Variants in CDC42BPA observed in about 807,000 individuals in gnomAD.
CDC42BPA encodes serine/threonine-protein kinase MRCK alpha.
In CDC42BPA, 80 loss-of-function variants were observed where a neutral mutation model predicts 223.5. The ratio of observed to expected loss-of-function variants is 0.36; its 90% confidence interval spans 0.30 to 0.43. The LOEUF (loss-of-function observed/expected upper bound fraction) is 0.43. Among genes scored for constraint, CDC42BPA ranks in the 20% least tolerant of loss-of-function variants. CDC42BPA has a pLI of 1.00. For synonymous variants in CDC42BPA, 694 were observed against 718.6 expected, an observed-to-expected ratio of 0.97 and a Z score of 0.55; for missense variants, 1,743 against 2,099.9, an observed-to-expected ratio of 0.83 and a Z score of 3.32.
intron 5 of CDC42BPA, among the ~76,000 whole-genome samples, chr1:227,190,549 T>C (rs971946035): frequency 3.3e-5 from 4 of 119,890 alleles, no homozygotes; most frequent in Admixed American, 8.9e-5. Flanking sequence ...TCATCTCTTA[T>C]ACTTTGGCCT....
Position 227,027,048 on chromosome 1 carries a change from C to T in CDC42BPA, c.4433-896G>A, listed in dbSNP as rs187195981. On this transcript the variant is annotated intron_variant, in intron 30 of 36. Coordinates refer to ENST00000366766, the MANE Select transcript of CDC42BPA (RefSeq NM_001394014.1). ...CCTCAAGCGATCCTCCTGCCTCAGCCTCCTGAAGTGCTGGGATTACAGGTG... is the reference window on the plus strand; with the variant it reads ...CCTCAAGCGATCCTCCTGCCTCAGCTTCCTGAAGTGCTGGGATTACAGGTG... Among the ~76,000 whole-genome samples, 614 of 152,306 alleles carry T rather than the reference C, an allele frequency of 4.0e-3. 5 individuals are homozygous for T. Among genetic ancestry groups the T allele is most frequent in the African/African-American group, 0.014 (589 of 41,560 alleles).
At chr1:227,047,676 T>TACTGC (rs1672722835) in intron 23 of CDC42BPA, among the ~76,000 whole-genome samples, 1 of 152,312 alleles carries the variant, frequency 6.6e-6, no homozygotes, top group Middle Eastern at 3.4e-3. Flanking sequence ...CTGAGGCATA[T>TACTGC]ACTGCTTAGA....
chr1:227,231,229 T>C (rs1043742038), intron 2 of CDC42BPA, among the ~76,000 whole-genome samples: 2 of 136,498 alleles, frequency 1.5e-5, no homozygotes, highest in South Asian at 2.5e-4. Flanking sequence ...AGTGAGAATA[T>C]GCGGTGTTGT....
intron 2 of CDC42BPA, among the ~76,000 whole-genome samples, chr1:227,233,802 G>A (rs780144131): frequency 8.6e-5 from 13 of 151,878 alleles, no homozygotes; most frequent in Non-Finnish European, 1.3e-4. Flanking sequence ...GCGTGGTGGC[G>A]GACCCCTGTA....
chr1:227,252,531 CT>C (rs1682201995), intron 2 of CDC42BPA, among the ~76,000 whole-genome samples: 1 of 152,134 alleles, frequency 6.6e-6, no homozygotes, highest in Non-Finnish European at 1.5e-5. Context: ...TTTCCCTCTT[CT>C]TGTAAGACCA....
intron 21 of CDC42BPA, among the ~76,000 whole-genome samples, chr1:227,062,327 C>T (rs1676085458): frequency 6.6e-6 from 1 of 152,226 alleles, no homozygotes; most frequent in South Asian, 2.1e-4. Context: ...ACATACTCAT[C>T]TGTGAAGACC....
In CDC42BPA at chr1:227,139,642, C is replaced by T. The variant is rs756634493; in HGVS notation, c.1324G>A (p.Glu442Lys). 1 of 1,611,754 alleles carries T rather than the reference C, an allele frequency of 6.2e-7. No homozygotes were observed. ...CGCTTAATTCTTCTTTCATAAGCTTCAGTTGCTAAGTTGTTGTCTAGAGTC... is the reference window on the plus strand; with the variant it reads ...CGCTTAATTCTTCTTTCATAAGCTTTAGTTGCTAAGTTGTTGTCTAGAGTC... Reference protein sequence around the residue: ...QRTLDNNLATEAYERRIKRLE... With the variant: ...QRTLDNNLATKAYERRIKRLE... The change falls in exon 10 of 37, where the codon GAA (glutamate) becomes AAA (lysine). Residue 442 changes from glutamate to lysine, a missense_variant. Transcript: ENST00000366766.
intron 34 of CDC42BPA, among the ~76,000 whole-genome samples, chr1:227,012,625 ATGTC>A (rs1353839123): frequency 3.3e-5 from 5 of 152,184 alleles, no homozygotes; most frequent in African/African-American, 1.2e-4. Flanking sequence ...AAATATAAAA[ATGTC>A]TGGGACACAT....
intron 3 of CDC42BPA, among the ~76,000 whole-genome samples, chr1:227,206,554 C>T (rs919706005): frequency 6.6e-6 from 1 of 152,092 alleles, no homozygotes; most frequent in Admixed American, 6.6e-5. Context: ...AATTTTGCTG[C>T]TCATTTGTAA....
intron 21 of CDC42BPA, among the ~76,000 whole-genome samples, chr1:227,064,167 A>C (rs1032256088): frequency 2.0e-5 from 3 of 152,072 alleles, no homozygotes; most frequent in Admixed American, 2.0e-4. Flanking sequence ...TCCTTGATTT[A>C]CTCTTTCATC....
At position 227,265,432 on chromosome 1, in the gene CDC42BPA, G is replaced by A. The variant is rs562591490; in HGVS notation, c.179-11277C>T. On this transcript the variant is annotated intron_variant, in intron 1 of 36. Transcript: ENST00000366766. ...AAAAAAGTTTCAAAAATTAGGCCGG[G>A]CACAGTAGCTCATGCCTGTAATCCC... is the stretch of plus-strand genomic sequence containing the variant. 2.6e-4 allele frequency among the ~76,000 whole-genome samples: 39 copies of A among 152,136 alleles called. 1 individual carries two copies. In the South Asian group the frequency reaches 7.3e-3, roughly 28 times the overall value.
chr1:227,256,989 A>C (rs191269916), intron 1 of CDC42BPA, among the ~76,000 whole-genome samples: 5 of 146,606 alleles, frequency 3.4e-5, no homozygotes, highest in African/African-American at 7.6e-5. Flanking sequence ...ACACACACAC[A>C]CCAGTATGTT....
chr1:227,151,535 A>T (rs1571999496), intron 6 of CDC42BPA, among the ~76,000 whole-genome samples: 2 of 152,056 alleles, frequency 1.3e-5, no homozygotes, highest in East Asian at 3.9e-4. Flanking sequence ...TCTATTTTCA[A>T]TTTTTTGAAG....
In CDC42BPA at chr1:227,074,176, T is replaced by A. The variant is rs1678994182; in HGVS notation, c.2586+83A>T. ...GGCTCAAAGTCTAAACAAACTGATA[T>A]AAGTAATTGGATTTATTATAGTGTT... On this transcript the variant is annotated intron_variant, in intron 18 of 36. Transcript: ENST00000366766. 4 of 1,324,786 alleles carry A rather than the reference T, an allele frequency of 3.0e-6. 1 individual carries two copies. Among genetic ancestry groups the A allele is most frequent in the East Asian group, 4.7e-5 (2 of 42,236 alleles). 82.1% of individuals were successfully genotyped at this position (1,324,786 alleles called of 1,614,324 possible). A position where few individuals can be genotyped will look rare whatever the true frequency, so the allele number is the denominator to read the frequency against.
intron 1 of CDC42BPA, among the ~76,000 whole-genome samples, chr1:227,285,114 T>C (rs375980741): frequency 6.6e-6 from 1 of 151,738 alleles, no homozygotes; most frequent in South Asian, 2.1e-4. Flanking sequence ...GCAAAACAGG[T>C]AGCAATACAA....
intron 5 of CDC42BPA, among the ~76,000 whole-genome samples, chr1:227,169,540 T>C (rs1257234890): frequency 1.3e-5 from 2 of 152,174 alleles, no homozygotes; most frequent in Admixed American, 6.5e-5. Context: ...GAGCTGTCAG[T>C]AGACAGATTT....
At chr1:227,159,576 C>T (rs1219237796) in intron 6 of CDC42BPA, among the ~76,000 whole-genome samples, 1 of 151,972 alleles carries the variant, frequency 6.6e-6, no homozygotes, top group South Asian at 2.1e-4. Context: ...ACTAAACTGT[C>T]CTCCAAAAAG....
At position 227,228,079 on chromosome 1, in the gene CDC42BPA, C is replaced by T. The variant is rs114707097; in HGVS notation, c.271-14860G>A. Among the ~76,000 whole-genome samples the T allele has an allele frequency of 2.4e-3, 366 of 150,068 alleles. 1 individual carries two copies. Among genetic ancestry groups the T allele is most frequent in the Non-Finnish European group, 3.8e-3 (258 of 67,696 alleles). On this transcript the variant is annotated intron_variant, in intron 2 of 36. Coordinates refer to ENST00000366766, the MANE Select transcript of CDC42BPA (RefSeq NM_001394014.1). Reference sequence around the variant, plus strand: ...GCTGAAAAATGAGAACACATGGACTCAGGGAGGGGAACAACACACAGTGAG... The same window carrying T: ...GCTGAAAAATGAGAACACATGGACTTAGGGAGGGGAACAACACACAGTGAG...
chr1:227,245,182 C>T (rs1476751912), intron 2 of CDC42BPA, among the ~76,000 whole-genome samples: 1 of 152,102 alleles, frequency 6.6e-6, no homozygotes, highest in African/African-American at 2.4e-5. Flanking sequence ...CATCAGCTGT[C>T]CATCCCCCAA....
Sources: gnomAD v4.1 joint callset for allele counts (sites outside exome capture counted in the v4.1 genomes callset) on GRCh38, gnomAD v4.1.1 for gene constraint, MANE v1.5 for transcripts, NCBI Gene and HGNC (gene_info 2026-07-23, HGNC 2026-07-21) for gene names.